STK31: variants seen among roughly 807,000 people sequenced by gnomAD.
STK31 encodes serine/threonine-protein kinase 31.
A neutral mutation model predicts 129.7 loss-of-function variants in STK31; 89 were observed. The observed-to-expected ratio is 0.69, with a 90% CI of 0.58 to 0.82. The LOEUF (loss-of-function observed/expected upper bound fraction) is 0.82, where lower values mean the gene tolerates loss of function less well. Among genes scored for constraint, STK31 ranks in the 40% least tolerant of loss-of-function variants. The pLI, the probability that STK31 is intolerant of heterozygous loss-of-function variation, is 0.00. For missense variants in STK31, 1,187 were observed against 1,176.4 expected (o/e 1.01, Z -0.13); for synonymous variants, 448 against 395.3 (o/e 1.13, Z -1.58).
At chr7:23,785,897 G>A (rs1337297153) in intron 18 of STK31, among the ~76,000 whole-genome samples, 1 of 152,128 alleles carries the variant, frequency 6.6e-6, no homozygotes, top group African/African-American at 2.4e-5. Context: ...TAATGTAAAT[G>A]ATGAGTTAAT....
chr7:23,754,349 C>G lies in STK31; in HGVS notation c.1168C>G (p.Leu390Val). The change falls in exon 10 of 24, where the codon CTT (leucine) becomes GTT (valine). Residue 390 changes from leucine (L) to valine (V), a missense_variant. By Grantham distance (32) the Leu-to-Val change is conservative. Coordinates refer to ENST00000355870, the MANE Select transcript of STK31 (RefSeq NM_031414.5). ...CATCAGTGTCCGTTTCGGAAAAGACCTTTCAGATGCTATACAAGTGTTGGA... is the reference window on the plus strand; with the variant it reads ...CATCAGTGTCCGTTTCGGAAAAGACGTTTCAGATGCTATACAAGTGTTGGA... ...VDISVRFGKD[L>V]SDAIQVLDEG... 6.2e-7 allele frequency: 1 copy of G among 1,612,662 alleles called. No individual in the cohort carries two copies.
intron 22 of STK31, among the ~76,000 whole-genome samples, chr7:23,803,811 A>G (rs116516365): frequency 4.3e-3 from 656 of 152,254 alleles, no homozygotes; most frequent in African/African-American, 0.013. Context: ...ATTTAGTGAG[A>G]ACACAGAGTA....
chr7:23,710,692 G>T, intron 1 of STK31: 4 of 1,114,646 alleles, frequency 3.6e-6, no homozygotes, highest in Non-Finnish European at 4.4e-6. Flanking sequence ...TTTTCATCAC[G>T]AAGTGGAGAT....
chr7:23,721,890 G>C (rs6971076), intron 4 of STK31: 1 of 414,314 alleles, frequency 2.4e-6, no homozygotes, highest in Admixed American at 3.5e-5. Context: ...TTGTGCATGC[G>C]TCACGTAGTT....
In STK31 at chr7:23,807,446, T is replaced by C. The variant is rs200433670; in HGVS notation, c.2761-7698T>C. Among the ~76,000 whole-genome samples, 7 of 152,282 alleles carry C rather than the reference T, an allele frequency of 4.6e-5. No homozygotes were observed. In the East Asian group the frequency reaches 1.2e-3, roughly 25 times the overall value. On this transcript the variant is annotated intron_variant, in intron 22 of 23. Coordinates refer to ENST00000355870, the MANE Select transcript of STK31 (RefSeq NM_031414.5). Reference sequence around the variant, plus strand: ...TGAATCATTTCCTTTATAGGTAATATTACATTTCTCTCTAACCAGTTTCAA... The same window carrying C: ...TGAATCATTTCCTTTATAGGTAATACTACATTTCTCTCTAACCAGTTTCAA...
chr7:23,787,291 T>G lies in STK31; in HGVS notation c.2487+367T>G, dbSNP rs574171644. 8.1e-4 allele frequency among the ~76,000 whole-genome samples: 124 copies of G among 152,210 alleles called. 1 individual carries two copies. Among genetic ancestry groups the G allele is most frequent in the Non-Finnish European group, 1.1e-3 (78 of 68,030 alleles). ...GCTTTAATTTTTGTCATTGTAAGTT[T>G]AGGATTAGTAATAACAGTAAAGGAG... On this transcript the variant is annotated intron_variant, in intron 20 of 23. Transcript: ENST00000355870.
chr7:23,784,875 G>C (rs1791167816), intron 17 of STK31, among the ~76,000 whole-genome samples: 1 of 152,076 alleles, frequency 6.6e-6, no homozygotes, highest in Non-Finnish European at 1.5e-5. Context: ...CTCCAAACAG[G>C]GGCAGAGGTG....
intron 22 of STK31, among the ~76,000 whole-genome samples, chr7:23,807,357 T>G (rs1792774644): frequency 6.6e-6 from 1 of 152,170 alleles, no homozygotes; most frequent in Non-Finnish European, 1.5e-5. Flanking sequence ...CTTTTAGCAT[T>G]TGGAAAAGAT....
At chr7:23,819,219 A>G (rs1414727103) in intron 23 of STK31, among the ~76,000 whole-genome samples, 1 of 152,184 alleles carries the variant, frequency 6.6e-6, no homozygotes, top group Admixed American at 6.5e-5. Context: ...GAAGGTAACT[A>G]TCTTTAAATG....
chr7:23,756,841 G>T (rs1391733736), intron 10 of STK31, among the ~76,000 whole-genome samples: 1 of 152,136 alleles, frequency 6.6e-6, no homozygotes, highest in Admixed American at 6.6e-5. Flanking sequence ...GGATGAAGTG[G>T]ACTTGATCGT....
At chr7:23,723,413 A>T (rs554311476) in intron 4 of STK31, among the ~76,000 whole-genome samples, 99 of 152,028 alleles carry the variant, frequency 6.5e-4, no homozygotes, top group African/African-American at 2.2e-3. Flanking sequence ...AATTTTTAAA[A>T]TTTTTTTTAT....
chr7:23,806,970 C>T (rs1306213460), intron 22 of STK31, among the ~76,000 whole-genome samples: 1 of 151,704 alleles, frequency 6.6e-6, no homozygotes. Context: ...GTACCCTTCC[C>T]TGTACAGGAA....
rs1787750776 is a variant in STK31, at chr7:23,736,894, G to A, written c.843-10G>A. ...TTTGTTTGTCAAAATAAATGAATTT[G>A]TTTTTATAGGGAAAGTTTGGCTGTT... On this transcript the variant is annotated splice_polypyrimidine_tract_variant and intron_variant, in intron 7 of 23. Transcript: ENST00000355870. 2 of 1,591,264 alleles carry A rather than the reference G, an allele frequency of 1.3e-6. No homozygotes were observed. Among genetic ancestry groups the A allele is most frequent in the Non-Finnish European group, 1.7e-6 (2 of 1,171,142 alleles).
intron 11 of STK31, among the ~76,000 whole-genome samples, chr7:23,763,995 GAGA>G (rs1172153889): frequency 1.3e-5 from 2 of 152,142 alleles, no homozygotes; most frequent in East Asian, 1.9e-4. Context: ...TAGAAATTTG[GAGA>G]AGAAGATATT....
In STK31 at chr7:23,710,637, TATAAA is replaced by T. The variant is rs202214666; in HGVS notation, c.50+307_50+311del. 469 of 1,223,348 alleles carry T rather than the reference TATAAA, an allele frequency of 3.8e-4. 4 individuals carry two copies. The East Asian group carries it at 0.015, about 39-fold the overall frequency. The allele number at this position is 1,223,348 out of a possible 1,614,324, so 75.8% of individuals were successfully genotyped here. On this transcript the variant is annotated intron_variant, in intron 1 of 23. Coordinates refer to ENST00000355870, the MANE Select transcript of STK31 (RefSeq NM_031414.5). ...GTGCCATTTAAGTTTCAAAATCCCT[TATAAA>T]ATAAGTGTCAGAGAGCTACGTGTAC... is the stretch of plus-strand genomic sequence containing the variant.
At chr7:23,727,209 CCA>C (rs1418898986) in intron 4 of STK31, 30 bp from the exon 5 acceptor site, 1 of 1,585,968 alleles carries the variant, frequency 6.3e-7, no homozygotes, top group Admixed American at 1.7e-5. Flanking sequence ...GCTTTAAATG[CCA>C]AGTAATTTTG....
At chr7:23,736,235 C>A (rs887490191) in intron 7 of STK31, among the ~76,000 whole-genome samples, 2 of 152,172 alleles carry the variant, frequency 1.3e-5, no homozygotes, top group African/African-American at 4.8e-5. Flanking sequence ...ATTTGAAGTT[C>A]TTCCTATGGC....
intron 11 of STK31, among the ~76,000 whole-genome samples, chr7:23,767,250 C>T (rs921945409): frequency 6.6e-6 from 1 of 152,124 alleles, no homozygotes; most frequent in African/African-American, 2.4e-5. Flanking sequence ...GTGCTGTTCA[C>T]ACCATTTTAT....
intron 8 of STK31, 51 bp downstream of exon 8, chr7:23,737,129 C>T (rs1443115229): frequency 1.4e-6 from 2 of 1,425,020 alleles, no homozygotes; most frequent in Admixed American, 2.4e-5. Flanking sequence ...AATCTGTGTA[C>T]TCATCTGCTG....
Sources: allele counts gnomAD v4.1 joint callset (sites outside exome capture counted in the v4.1 genomes callset), GRCh38; gene constraint gnomAD v4.1.1; transcripts MANE v1.5; gene names NCBI Gene and HGNC (gene_info 2026-07-23, HGNC 2026-07-21).